CTNNA3: variants seen among roughly 807,000 people sequenced by gnomAD.
The protein encoded by CTNNA3 is catenin alpha-3.
CTNNA3 carries 76 observed loss-of-function variants against 95.7 expected under a neutral mutation model. That is an observed-to-expected ratio of 0.79 (90% CI 0.66 to 0.96). The LOEUF (loss-of-function observed/expected upper bound fraction) is 0.96, where lower values mean the gene tolerates loss of function less well. Among genes scored for constraint, CTNNA3 ranks in the 40% least tolerant of loss-of-function variants. The probability of loss-of-function intolerance (pLI) is 0.00; values close to 1 mark genes in which losing one functional copy is unlikely to be tolerated. For synonymous variants in CTNNA3, 431 were observed against 374.4 expected, an observed-to-expected ratio of 1.15 and a Z score of -1.74; for missense variants, 1,191 against 1,089.8, an observed-to-expected ratio of 1.09 and a Z score of -1.31.
At chr10:66,449,532 G>A (rs763163574) in intron 11 of CTNNA3, among the ~76,000 whole-genome samples, 38 of 151,968 alleles carry the variant, frequency 2.5e-4, no homozygotes, top group Non-Finnish European at 3.7e-4. Flanking sequence ...GTTAATTTTA[G>A]CTTCATAAAT....
At position 65,956,236 on chromosome 10, in the gene CTNNA3, C is replaced by A. The variant is rs2077728142; in HGVS notation, c.2400+10376G>T. Among the ~76,000 whole-genome samples the A allele has an allele frequency of 3.9e-5, 6 of 152,162 alleles. No individual in the cohort carries two copies. In the South Asian group the frequency reaches 1.2e-3, roughly 32 times the overall value. ...ACTTCTGTGGGATAAGTGGTGAGAT[C>A]CCCTTTATCATTTTTTATTGCATCT... is the stretch of plus-strand genomic sequence containing the variant. On this transcript the variant is annotated intron_variant, in intron 17 of 17. Coordinates refer to ENST00000433211, the MANE Select transcript of CTNNA3 (RefSeq NM_013266.4).
intron 7 of CTNNA3, among the ~76,000 whole-genome samples, chr10:67,143,414 A>C (rs1352024443): frequency 6.9e-6 from 1 of 143,980 alleles, no homozygotes; most frequent in Non-Finnish European, 1.5e-5. Context: ...TGACTGAGCA[A>C]GGCTCTGTCT....
intron 13 of CTNNA3, among the ~76,000 whole-genome samples, chr10:66,144,167 C>A (rs1202260792): frequency 6.6e-6 from 1 of 152,232 alleles, no homozygotes; most frequent in Admixed American, 6.5e-5. Flanking sequence ...TCTCTTCTTA[C>A]AGTTTGGGCA....
intron 7 of CTNNA3, among the ~76,000 whole-genome samples, chr10:66,849,220 G>C (rs1843389836): frequency 6.6e-6 from 1 of 152,144 alleles, no homozygotes; most frequent in South Asian, 2.1e-4. Context: ...GAGTCTAGTT[G>C]TTTGTTCAAG....
intron 7 of CTNNA3, among the ~76,000 whole-genome samples, chr10:66,918,570 A>G (rs2132589909): frequency 6.6e-6 from 1 of 152,346 alleles, no homozygotes; most frequent in Middle Eastern, 3.4e-3. Context: ...GAAAACCACC[A>G]AATGCAGAAC....
chr10:66,199,806 T>TATATATATATA (rs1554887153), intron 13 of CTNNA3, among the ~76,000 whole-genome samples: 25 of 9,014 alleles, frequency 2.8e-3, no homozygotes, highest in Admixed American at 6.2e-3. Flanking sequence ...TATATATATA[T>TATATATATATA]TTTTTTTTTT....
At chr10:66,645,982 GGTAGA>G (rs1352892058) in intron 9 of CTNNA3, among the ~76,000 whole-genome samples, 1 of 152,086 alleles carries the variant, frequency 6.6e-6, no homozygotes, top group Non-Finnish European at 1.5e-5. Context: ...CTTAATATCA[GGTAGA>G]GTACTTTTCC....
At chr10:66,211,783 A>G (rs2088172803) in intron 13 of CTNNA3, among the ~76,000 whole-genome samples, 1 of 152,132 alleles carries the variant, frequency 6.6e-6, no homozygotes, top group Non-Finnish European at 1.5e-5. Context: ...GGGAACACCA[A>G]ACACCAGCCA....
chr10:66,948,193 C>T (rs1359084945), intron 7 of CTNNA3, among the ~76,000 whole-genome samples: 1 of 152,146 alleles, frequency 6.6e-6, no homozygotes, highest in Non-Finnish European at 1.5e-5. Context: ...GGGCTCTTCT[C>T]GAAATTCTCA....
rs187574632 is a variant in CTNNA3, at chr10:66,697,699, C to T, written c.1281+68565G>A. On this transcript the variant is annotated intron_variant, in intron 9 of 17. Coordinates refer to ENST00000433211, the MANE Select transcript of CTNNA3 (RefSeq NM_013266.4). ...TGGGTATAAATTAAAACTTATTACA[C>T]TTTTTTTAAGTTGCATTCCCAGTAC... Among the ~76,000 whole-genome samples the T allele has an allele frequency of 2.0e-5, 3 of 152,214 alleles. No homozygotes were observed. The East Asian group carries it at 5.8e-4, about 29-fold the overall frequency.
intron 5 of CTNNA3, among the ~76,000 whole-genome samples, chr10:67,348,563 A>C (rs886561934): frequency 1.3e-5 from 2 of 152,096 alleles, no homozygotes; most frequent in African/African-American, 4.8e-5. Flanking sequence ...GTGGAAGGGA[A>C]AGGGGGAGCC....
At position 66,009,284 on chromosome 10, in the gene CTNNA3, T is replaced by A. The variant is rs2078959729; in HGVS notation, c.2160-20487A>T. 2.6e-5 allele frequency among the ~76,000 whole-genome samples: 4 copies of A among 152,292 alleles called. No homozygotes were observed. The South Asian group carries it at 8.3e-4, about 32-fold the overall frequency. Reference sequence around the variant, plus strand: ...TGTTCTGTTTGGGCTTCCCTTTTAATTATCCTTAATCCATAGTTTATTTTA... The same window carrying A: ...TGTTCTGTTTGGGCTTCCCTTTTAAATATCCTTAATCCATAGTTTATTTTA... On this transcript the variant is annotated intron_variant, in intron 15 of 17. Transcript: ENST00000433211.
Position 67,606,826 on chromosome 10 carries a change from G to A in CTNNA3, c.292+31C>T, listed in dbSNP as rs766927681. ...GTGACTAACACCCTAAAGATATGCA[G>A]TTTGCTCCTGACCAGGATTGGAGTA... On this transcript the variant is annotated intron_variant, in intron 3 of 17. Transcript: ENST00000433211. 10 of 1,549,146 alleles carry A rather than the reference G, an allele frequency of 6.5e-6. No homozygotes were observed. In the East Asian group the frequency reaches 2.0e-4, roughly 31 times the overall value.
intron 11 of CTNNA3, among the ~76,000 whole-genome samples, chr10:66,443,862 G>A (rs958856259): frequency 5.3e-5 from 8 of 152,090 alleles, no homozygotes; most frequent in Non-Finnish European, 8.8e-5. Context: ...GGCTTCAGAC[G>A]ATCAAACTAC....
intron 9 of CTNNA3, among the ~76,000 whole-genome samples, chr10:66,761,664 A>G (rs575419634): frequency 1.3e-5 from 2 of 152,286 alleles, no homozygotes; most frequent in South Asian, 4.1e-4. Flanking sequence ...ATAATAAATA[A>G]TGCATTTATT....
At chr10:66,622,976 A>G (rs1451307513) in intron 9 of CTNNA3, among the ~76,000 whole-genome samples, 2 of 152,134 alleles carry the variant, frequency 1.3e-5, no homozygotes, top group Non-Finnish European at 2.9e-5. Context: ...GTGGAAGGGC[A>G]TTGCTCACTT....
chr10:66,827,521 AG>A (rs1842559280), intron 7 of CTNNA3, among the ~76,000 whole-genome samples: 1 of 152,144 alleles, frequency 6.6e-6, no homozygotes, highest in South Asian at 2.1e-4. Flanking sequence ...TAGTGGAAAA[AG>A]TCTCGTAATT....
At chr10:67,111,734 C>T (rs1858917266) in intron 7 of CTNNA3, among the ~76,000 whole-genome samples, 1 of 151,894 alleles carries the variant, frequency 6.6e-6, no homozygotes, top group African/African-American at 2.4e-5. Context: ...CCATTTCTCT[C>T]CAGAGTCATG....
intron 1 of CTNNA3, among the ~76,000 whole-genome samples, chr10:67,677,961 T>C (rs1840564070): frequency 6.6e-6 from 1 of 152,154 alleles, no homozygotes. Flanking sequence ...GTACCTCCTG[T>C]AGCCCAGAAA....
Sources: gnomAD v4.1 joint callset for allele counts (sites outside exome capture counted in the v4.1 genomes callset) on GRCh38, gnomAD v4.1.1 for gene constraint, MANE v1.5 for transcripts, NCBI Gene and HGNC (gene_info 2026-07-23, HGNC 2026-07-21) for gene names.